Variants in UTRN observed in about 807,000 individuals in gnomAD.
The protein encoded by UTRN is utrophin.
In UTRN, 283 loss-of-function variants were observed where a neutral mutation model predicts 463.9. That is an observed-to-expected ratio of 0.61 (90% CI 0.55 to 0.67). The LOEUF (loss-of-function observed/expected upper bound fraction) is 0.67. Among genes scored for constraint, UTRN ranks in the 30% least tolerant of loss-of-function variants. The pLI is 0.00. For missense variants in UTRN, 3,922 were observed against 4,084.3 expected, an observed-to-expected ratio of 0.96 and a Z score of 1.08; for synonymous variants, 1,442 against 1,431.5, an observed-to-expected ratio of 1.01 and a Z score of -0.17.
At chr6:144,765,850 A>G (rs539644589) in intron 58 of UTRN, among the ~76,000 whole-genome samples, 104 of 152,212 alleles carry the variant, frequency 6.8e-4, no homozygotes, top group Non-Finnish European at 1.5e-5. Context: ...CTATTATCAA[A>G]TAGGATCATA....
intron 51 of UTRN, among the ~76,000 whole-genome samples, chr6:144,616,511 G>A (rs955598140): frequency 6.7e-6 from 1 of 149,370 alleles, no homozygotes; most frequent in African/African-American, 2.5e-5. Flanking sequence ...TGGTTACTTC[G>A]GAAATTTGTG....
At chr6:144,656,729 A>G (rs1779351118) in intron 51 of UTRN, among the ~76,000 whole-genome samples, 1 of 152,252 alleles carries the variant, frequency 6.6e-6, no homozygotes. Flanking sequence ...ATATTTAGCT[A>G]TTTGAATTTC....
At chr6:144,474,900 C>CAA in intron 25 of UTRN, 141 bp downstream of exon 25, 1 of 846,548 alleles carries the variant, frequency 1.2e-6, no homozygotes, top group African/African-American at 1.8e-5. Context: ...GAGCTGGGGC[C>CAA]AAAAAAAAAG....
At chr6:144,521,543 C>T (rs1359850600) in intron 39 of UTRN, among the ~76,000 whole-genome samples, 1 of 152,112 alleles carries the variant, frequency 6.6e-6, no homozygotes, top group Non-Finnish European at 1.5e-5. Context: ...ACATGTTTAA[C>T]TTGCTTATAT....
chr6:144,462,784 G>C lies in UTRN; in HGVS notation c.2984G>C (p.Gly995Ala), dbSNP rs1272647387. The C allele has an allele frequency of 1.2e-6, 2 of 1,612,150 alleles. No homozygotes were observed. The highest frequency in any genetic ancestry group is 1.7e-6 in the Non-Finnish European group (2 of 1,179,590). Residue 995 changes from glycine (G) to alanine (A), a missense_variant, in exon 23 of 75, where the codon GGA becomes GCA. By Grantham distance (60) the Gly-to-Ala change is moderately conservative. This residue lies in a region of UTRN where 2,349 missense variants were observed against 2,303.8 expected (regional missense o/e 1.02). Coordinates refer to ENST00000367545, the MANE Select transcript of UTRN (RefSeq NM_007124.3). The stretch of plus-strand genomic sequence containing the variant: ...AAGCAAGAATTTGATGATGTGCAAG[G>C]AAAGTGGAACAAGCTAAAGGTCTTG... The part of the protein sequence containing the change: ...LYKQEFDDVQ[G>A]KWNKLKVLVS...
intron 34 of UTRN, among the ~76,000 whole-genome samples, chr6:144,508,925 T>G (rs1794930410): frequency 6.6e-6 from 1 of 152,204 alleles, no homozygotes; most frequent in Admixed American, 6.5e-5. Flanking sequence ...TCCACTGATC[T>G]GGCCCCATGA....
intron 51 of UTRN, among the ~76,000 whole-genome samples, chr6:144,670,216 TA>T (rs1406102479): frequency 6.6e-6 from 1 of 152,184 alleles, no homozygotes; most frequent in Non-Finnish European, 1.5e-5. Flanking sequence ...CTGTTTTTCA[TA>T]GTGGTTGTAC....
At chr6:144,527,806 C>T (rs1018161967) in intron 41 of UTRN, among the ~76,000 whole-genome samples, 7 of 152,178 alleles carry the variant, frequency 4.6e-5, no homozygotes, top group African/African-American at 1.7e-4. Context: ...CATTTTGCAT[C>T]TCTCTGAGTG....
intron 27 of UTRN, among the ~76,000 whole-genome samples, chr6:144,483,714 C>T (rs1792129765): frequency 6.6e-6 from 1 of 152,110 alleles, no homozygotes; most frequent in African/African-American, 2.4e-5. Flanking sequence ...CTACCAAAGT[C>T]CTGGGATTAA....
intron 25 of UTRN, among the ~76,000 whole-genome samples, chr6:144,477,622 C>T (rs1401168804): frequency 6.6e-6 from 1 of 151,912 alleles, no homozygotes; most frequent in Admixed American, 6.6e-5. Context: ...TGACACTTCA[C>T]CCCTAAATAC....
At chr6:144,337,182 CACACACACACACCACACACA>C (rs1776791190) in intron 2 of UTRN, among the ~76,000 whole-genome samples, 4 of 136,324 alleles carry the variant, frequency 2.9e-5, no homozygotes, top group African/African-American at 1.1e-4. Context: ...CACACAGACA[CACACACACACACCACACACA>C]CACACACACA....
intron 51 of UTRN, among the ~76,000 whole-genome samples, chr6:144,634,534 G>C (rs1022272271): frequency 1.3e-5 from 2 of 152,186 alleles, no homozygotes; most frequent in African/African-American, 4.8e-5. Flanking sequence ...ATCTTGACTT[G>C]ATAATATGTT....
At chr6:144,461,679 G>A (rs1789426346) in intron 22 of UTRN, among the ~76,000 whole-genome samples, 1 of 152,172 alleles carries the variant, frequency 6.6e-6, no homozygotes, top group Admixed American at 6.5e-5. Context: ...GAATAGGAAT[G>A]TTTCCGAGGT....
chr6:144,629,746 A>G (rs981730079), intron 51 of UTRN, among the ~76,000 whole-genome samples: 2 of 152,244 alleles, frequency 1.3e-5, no homozygotes, highest in African/African-American at 4.8e-5. Flanking sequence ...TGCTTTAGCC[A>G]TGGCATGATT....
chr6:144,435,327 G>A (rs1163063137), intron 9 of UTRN, among the ~76,000 whole-genome samples: 2 of 152,182 alleles, frequency 1.3e-5, no homozygotes, highest in Non-Finnish European at 2.9e-5. Context: ...TATTTAGAAA[G>A]AGGTTGATAG....
intron 68 of UTRN, among the ~76,000 whole-genome samples, chr6:144,828,444 G>C (rs1192202356): frequency 6.6e-6 from 1 of 152,178 alleles, no homozygotes; most frequent in Non-Finnish European, 1.5e-5. Context: ...GAGAGTTTTT[G>C]TTATGAGAGG....
At chr6:144,377,781 T>C (rs1273151017) in intron 2 of UTRN, among the ~76,000 whole-genome samples, 2 of 152,192 alleles carry the variant, frequency 1.3e-5, no homozygotes, top group African/African-American at 4.8e-5. Context: ...CACTGTTGAT[T>C]TACACTGTGC....
chr6:144,516,179 G>A (rs1448023220), intron 37 of UTRN, 50 bp from the exon 38 acceptor site: 1 of 1,577,860 alleles, frequency 6.3e-7, no homozygotes, highest in South Asian at 1.1e-5. Flanking sequence ...GATTAATGAT[G>A]GAAAGTCAAA....
At chr6:144,502,048 T>G (rs1466250373) in intron 34 of UTRN, among the ~76,000 whole-genome samples, 1 of 152,160 alleles carries the variant, frequency 6.6e-6, no homozygotes, top group Non-Finnish European at 1.5e-5. Flanking sequence ...TGAGTTGTGT[T>G]TGATTGCAAA....
Sources: allele counts gnomAD v4.1 joint callset (sites outside exome capture counted in the v4.1 genomes callset), GRCh38; gene constraint gnomAD v4.1.1; regional missense constraint gnomAD v4.1.1; transcripts MANE v1.5; gene names NCBI Gene and HGNC (gene_info 2026-07-23, HGNC 2026-07-21).